PTPRU: variants seen among roughly 807,000 people sequenced by gnomAD.
The protein encoded by PTPRU is protein tyrosine phosphatase receptor type U.
A neutral mutation model predicts 166.3 loss-of-function variants in PTPRU; 69 were observed. That is an observed-to-expected ratio of 0.41 (90% CI 0.34 to 0.51). The LOEUF (loss-of-function observed/expected upper bound fraction) is 0.51. Ranked by LOEUF, PTPRU falls within the 20% of genes least tolerant of loss-of-function variation. The probability of loss-of-function intolerance (pLI) is 0.09; values close to 1 mark genes in which losing one functional copy is unlikely to be tolerated. For synonymous variants in PTPRU, 793 were observed against 814.0 expected, an observed-to-expected ratio of 0.97 and a Z score of 0.44; for missense variants, 1,657 against 2,013.7, an observed-to-expected ratio of 0.82 and a Z score of 3.39.
intron 1 of PTPRU, among the ~76,000 whole-genome samples, chr1:29,242,411 C>A (rs1294239870): frequency 6.6e-6 from 1 of 152,170 alleles, no homozygotes; most frequent in Non-Finnish European, 1.5e-5. Context: ...CCCGATAGTT[C>A]TGTTTTTCAA....
At chr1:29,300,890 A>G (rs1687103709) in intron 15 of PTPRU, among the ~76,000 whole-genome samples, 1 of 152,174 alleles carries the variant, frequency 6.6e-6, no homozygotes, top group South Asian at 2.1e-4. Flanking sequence ...TCATTCTACC[A>G]GTTAGTTGCT....
At chr1:29,324,146 T>TTCCA (rs1247359979) in intron 28 of PTPRU, among the ~76,000 whole-genome samples, 19 of 152,312 alleles carry the variant, frequency 1.2e-4, no homozygotes, top group East Asian at 3.9e-4. Flanking sequence ...ATGTGACTTT[T>TTCCA]TCCATCCATC....
At chr1:29,282,991 G>T (rs542645920) in intron 12 of PTPRU, 42 bp downstream of exon 12, 11 of 975,512 alleles carry the variant, frequency 1.1e-5, no homozygotes, top group East Asian at 1.9e-4. Context: ...GGTTGGGTGT[G>T]GGGGGATGGC....
At chr1:29,319,964 G>C (rs902974508) in intron 25 of PTPRU, among the ~76,000 whole-genome samples, 1 of 152,146 alleles carries the variant, frequency 6.6e-6, no homozygotes, top group Non-Finnish European at 1.5e-5. Context: ...GAGCAGCGTC[G>C]GGGCCTGTCA....
At chr1:29,275,837 G>C in intron 8 of PTPRU, 81 bp downstream of exon 8, 1 of 1,465,868 alleles carries the variant, frequency 6.8e-7, no homozygotes, top group South Asian at 1.3e-5. Flanking sequence ...TTTACTGAGG[G>C]TATTTTTTTC....
At chr1:29,316,187 G>A (rs1687893198) in intron 24 of PTPRU, 36 bp downstream of exon 24, 1 of 1,593,508 alleles carries the variant, frequency 6.3e-7, no homozygotes, top group Admixed American at 1.7e-5. Flanking sequence ...GTGTGTGTGT[G>A]TGTGTCTGTG....
chr1:29,259,595 C>A, intron 5 of PTPRU, 31 bp downstream of exon 5: 2 of 265,624 alleles, frequency 7.5e-6, no homozygotes. Flanking sequence ...TGGCTGGGGG[C>A]GGGGTGGGAG....
At chr1:29,250,711 G>A (rs752852585) in intron 1 of PTPRU, among the ~76,000 whole-genome samples, 1 of 152,146 alleles carries the variant, frequency 6.6e-6, no homozygotes, top group Non-Finnish European at 1.5e-5. Context: ...ACTCAAAGTC[G>A]GATTTAGTGG....
intron 26 of PTPRU, among the ~76,000 whole-genome samples, chr1:29,322,786 TTGTACGTGTGTTTGTG>T (rs1034619196): frequency 2.0e-5 from 3 of 152,078 alleles, no homozygotes; most frequent in African/African-American, 7.2e-5. Flanking sequence ...GTGTGTGTAT[TTGTACGTGTGTTTGTG>T]TGTGTTAGGT....
At chr1:29,294,363 G>T (rs1574679464) in intron 15 of PTPRU, among the ~76,000 whole-genome samples, 1 of 152,172 alleles carries the variant, frequency 6.6e-6, no homozygotes, top group African/African-American at 2.4e-5. Flanking sequence ...GGCCATTCAG[G>T]TCTCTTTTTC....
chr1:29,314,600 C>T (rs1687814324), intron 22 of PTPRU, among the ~76,000 whole-genome samples: 1 of 149,732 alleles, frequency 6.7e-6, no homozygotes, highest in Non-Finnish European at 1.5e-5. Context: ...TTTTTTGAGA[C>T]AGGATCTTGT....
At position 29,320,782 on chromosome 1, in the gene PTPRU, C is replaced by G; in HGVS notation, c.3785C>G (p.Ser1262Cys). 5 of 1,605,478 alleles carry G rather than the reference C, an allele frequency of 3.1e-6. No individual in the cohort carries two copies. The highest frequency in any genetic ancestry group is 4.3e-6 in the Non-Finnish European group (5 of 1,173,382). The change falls in exon 26 of 30, where the codon TCC becomes TGC. Residue 1262 changes from serine to cysteine, a missense_variant. Ser to Cys is a moderately radical substitution (Grantham distance 112). Coordinates refer to ENST00000373779, the MANE Select transcript of PTPRU (RefSeq NM_133178.4). The surrounding 1 kb of genome is among the most constrained non-coding windows in gnomAD (Gnocchi z 5.2). ...WRLVYDYGCTSIVMLNQLNQS... is the reference protein window; with the variant it reads ...WRLVYDYGCTCIVMLNQLNQS... Reference sequence around the variant, plus strand: ...CTGGTCTACGATTACGGGTGCACCTCCATCGTCATGCTCAACCAGCTGAAC... The same window carrying G: ...CTGGTCTACGATTACGGGTGCACCTGCATCGTCATGCTCAACCAGCTGAAC...
rs763224105 is a variant in PTPRU at position 29,282,908 on chromosome 1, G to A, written c.2101G>A (p.Ala701Thr). The A allele has an allele frequency of 6.2e-7, 1 of 1,614,010 alleles. No individual in the cohort carries two copies. The highest frequency in any genetic ancestry group is 1.7e-5 in the Admixed American group (1 of 60,008). ...FWNPPLEPRKAYLIYFQAASH... is the reference protein window; with the variant it reads ...FWNPPLEPRKTYLIYFQAASH... ...GAACCCACCACTTGAGCCTAGGAAGGCCTATCTCATCTACTTCCAGGCAGC... is the reference window on the plus strand; with the variant it reads ...GAACCCACCACTTGAGCCTAGGAAGACCTATCTCATCTACTTCCAGGCAGC... Residue 701 changes from alanine (A) to threonine (T), a missense_variant, in exon 12 of 30, where the codon GCC becomes ACC. Physicochemically the swap from Ala to Thr is moderately conservative, Grantham distance 58. Coordinates refer to ENST00000373779, the MANE Select transcript of PTPRU (RefSeq NM_133178.4).
At chr1:29,239,421 G>C (rs1233707925) in intron 1 of PTPRU, among the ~76,000 whole-genome samples, 1 of 152,202 alleles carries the variant, frequency 6.6e-6, no homozygotes, top group Non-Finnish European at 1.5e-5. Flanking sequence ...GGCAATAAAG[G>C]CTTGTCTGGG....
At chr1:29,248,943 C>T (rs1484322678) in intron 1 of PTPRU, among the ~76,000 whole-genome samples, 2 of 152,192 alleles carry the variant, frequency 1.3e-5, no homozygotes, top group Non-Finnish European at 2.9e-5. Flanking sequence ...CGTGCACACT[C>T]ACGCAACTGC....
At chr1:29,318,168 A>G (rs1687989129) in intron 25 of PTPRU, among the ~76,000 whole-genome samples, 1 of 152,160 alleles carries the variant, frequency 6.6e-6, no homozygotes, top group Admixed American at 6.5e-5. Context: ...CTCCAAGATT[A>G]GGCCCAGCAG....
At chr1:29,316,287 G>C in intron 24 of PTPRU, 136 bp downstream of exon 24, 2 of 1,091,806 alleles carry the variant, frequency 1.8e-6, no homozygotes. Context: ...GGACAGAGCT[G>C]AGCTACCAGG....
At chr1:29,248,533 T>C (rs1281775596) in intron 1 of PTPRU, among the ~76,000 whole-genome samples, 1 of 152,170 alleles carries the variant, frequency 6.6e-6, no homozygotes, top group Non-Finnish European at 1.5e-5. Flanking sequence ...TTGCTTCTCC[T>C]GGGACCACTC....
intron 12 of PTPRU, among the ~76,000 whole-genome samples, chr1:29,283,340 C>T (rs1686184989): frequency 6.6e-6 from 1 of 151,138 alleles, no homozygotes. Flanking sequence ...CCCCATGGTC[C>T]CACCCCTCCC....
Sources: gnomAD v4.1 joint callset for allele counts (sites outside exome capture counted in the v4.1 genomes callset) on GRCh38, gnomAD v4.1.1 for gene constraint, Gnocchi (gnomAD v3.1) non-coding constraint, MANE v1.5 for transcripts, NCBI Gene and HGNC (gene_info 2026-07-23, HGNC 2026-07-21) for gene names.